ZNF804B: variants seen among roughly 807,000 people sequenced by gnomAD.
ZNF804B encodes the protein zinc finger 804B.
ZNF804B carries 80 observed loss-of-function variants against 101.4 expected under a neutral mutation model. The ratio of observed to expected loss-of-function variants is 0.79; its 90% CI spans 0.66 to 0.95. The LOEUF (loss-of-function observed/expected upper bound fraction) is 0.95, where lower values mean the gene tolerates loss of function less well. Ranked by LOEUF, ZNF804B falls within the 40% of genes least tolerant of loss-of-function variation. The pLI, the probability that ZNF804B is intolerant of heterozygous loss-of-function variation, is 0.00. For missense variants in ZNF804B, 1,673 were observed against 1,561.9 expected (o/e 1.07, Z -1.20); for synonymous variants, 622 against 558.8 (o/e 1.11, Z -1.59).
intron 1 of ZNF804B, among the ~76,000 whole-genome samples, chr7:88,865,440 G>A (rs1486540831): frequency 2.6e-5 from 4 of 152,072 alleles, no homozygotes; most frequent in Non-Finnish European, 5.9e-5. Flanking sequence ...GCTGAGGTGG[G>A]AGAAATGCTT....
At position 88,767,149 on chromosome 7, in the gene ZNF804B, G is replaced by T. The variant is rs1455794687; in HGVS notation, c.108+7065G>T. ...GTTGGCATATACTTCTAACTCCAGA[G>T]ATACTAGCCCTCGCAAATGGTAAGA... On this transcript the variant is annotated intron_variant, in intron 1 of 3. Coordinates refer to ENST00000333190, the MANE Select transcript of ZNF804B (RefSeq NM_181646.5). Among the ~76,000 whole-genome samples, 3 of 152,078 alleles carry T rather than the reference G, an allele frequency of 2.0e-5. No individual in the cohort carries two copies. In the East Asian group the frequency reaches 5.8e-4, roughly 29 times the overall value.
At chr7:88,875,616 G>A (rs1488493931) in intron 1 of ZNF804B, among the ~76,000 whole-genome samples, 3 of 151,946 alleles carry the variant, frequency 2.0e-5, no homozygotes, top group Non-Finnish European at 4.4e-5. Context: ...CCAGGAAGAA[G>A]TTGAATCTCT....
chr7:88,926,940 GAGC>G (rs765837409), intron 1 of ZNF804B, among the ~76,000 whole-genome samples: 23 of 138,632 alleles, frequency 1.7e-4, no homozygotes, highest in African/African-American at 6.0e-4. Context: ...GGGTGGTGGG[GAGC>G]GGGGGGAAAG....
intron 1 of ZNF804B, among the ~76,000 whole-genome samples, chr7:89,006,059 A>T (rs1030422467): frequency 2.3e-4 from 35 of 152,136 alleles, no homozygotes; most frequent in African/African-American, 8.2e-4. Context: ...TTTTGAAAAC[A>T]ATTTTTATGG....
chr7:89,086,395 A>G (rs1174360763), intron 1 of ZNF804B, among the ~76,000 whole-genome samples: 1 of 151,990 alleles, frequency 6.6e-6, no homozygotes, highest in Non-Finnish European at 1.5e-5. Flanking sequence ...ATACAAATGC[A>G]TATCTTTAAT....
At chr7:88,864,725 G>A (rs1791700231) in intron 1 of ZNF804B, among the ~76,000 whole-genome samples, 1 of 152,112 alleles carries the variant, frequency 6.6e-6, no homozygotes, top group South Asian at 2.1e-4. Context: ...GAAAGCAATG[G>A]GAAGAACTGG....
chr7:88,869,917 C>T (rs904160838), intron 1 of ZNF804B, among the ~76,000 whole-genome samples: 10 of 152,164 alleles, frequency 6.6e-5, no homozygotes, highest in African/African-American at 2.4e-4. Flanking sequence ...CAGAGGTCAG[C>T]TGCAGATAAA....
intron 2 of ZNF804B, among the ~76,000 whole-genome samples, chr7:89,299,141 A>G (rs1790437922): frequency 6.6e-6 from 1 of 152,026 alleles, no homozygotes; most frequent in Non-Finnish European, 1.5e-5. Flanking sequence ...ATAGATTGCT[A>G]GCATTTTAAA....
At chr7:89,066,977 A>T (rs991466945) in intron 1 of ZNF804B, among the ~76,000 whole-genome samples, 3 of 151,960 alleles carry the variant, frequency 2.0e-5, no homozygotes, top group Non-Finnish European at 2.9e-5. Flanking sequence ...TGGTTATTTT[A>T]TCATCCTACA....
At chr7:89,297,852 G>A (rs1459151738) in intron 2 of ZNF804B, among the ~76,000 whole-genome samples, 1 of 151,194 alleles carries the variant, frequency 6.6e-6, no homozygotes, top group Non-Finnish European at 1.5e-5. Flanking sequence ...CAATTCCAAA[G>A]TTGGGAAATT....
chr7:89,196,740 A>C (rs1027537852), intron 1 of ZNF804B, among the ~76,000 whole-genome samples: 2 of 152,176 alleles, frequency 1.3e-5, no homozygotes, highest in Non-Finnish European at 2.9e-5. Context: ...AAAAAGGGTA[A>C]TATCCAGCAT....
chr7:89,182,056 T>C (rs1228630193), intron 1 of ZNF804B, among the ~76,000 whole-genome samples: 2 of 152,196 alleles, frequency 1.3e-5, no homozygotes, highest in African/African-American at 4.8e-5. Flanking sequence ...CAAATTAACA[T>C]TGAGCAGATG....
intron 1 of ZNF804B, among the ~76,000 whole-genome samples, chr7:88,988,247 A>C (rs1403974594): frequency 6.6e-6 from 1 of 152,006 alleles, no homozygotes; most frequent in African/African-American, 2.4e-5. Flanking sequence ...TATATCATGA[A>C]AGTGTGGATT....
At chr7:88,951,482 A>G (rs976503022) in intron 1 of ZNF804B, among the ~76,000 whole-genome samples, 2 of 151,748 alleles carry the variant, frequency 1.3e-5, no homozygotes, top group African/African-American at 2.4e-5. Context: ...GCACGCACAT[A>G]TATAATGTCT....
chr7:88,869,659 G>C (rs1471051200), intron 1 of ZNF804B, among the ~76,000 whole-genome samples: 1 of 152,144 alleles, frequency 6.6e-6, no homozygotes, highest in Non-Finnish European at 1.5e-5. Context: ...GGCAATGTTA[G>C]GTTTCAGCCT....
At chr7:89,050,983 C>CT (rs34221110) in intron 1 of ZNF804B, among the ~76,000 whole-genome samples, 45,904 of 151,404 alleles carry the variant, frequency 0.3, 7,242 homozygotes, top group East Asian at 0.52. Flanking sequence ...GAGTTTGTTT[C>CT]TTTTTTTTAA....
intron 1 of ZNF804B, among the ~76,000 whole-genome samples, chr7:88,813,351 G>T (rs1790821374): frequency 6.6e-6 from 1 of 151,328 alleles, no homozygotes; most frequent in African/African-American, 2.4e-5. Context: ...GGCGAACCTG[G>T]GAGGCGGAGC....
intron 1 of ZNF804B, among the ~76,000 whole-genome samples, chr7:88,883,742 T>C (rs1193521382): frequency 1.3e-5 from 2 of 152,210 alleles, no homozygotes; most frequent in African/African-American, 4.8e-5. Flanking sequence ...TTAAAAATCA[T>C]GAGGCAATTC....
chr7:89,025,174 A>G (rs979214561), intron 1 of ZNF804B, among the ~76,000 whole-genome samples: 1 of 152,142 alleles, frequency 6.6e-6, no homozygotes, highest in South Asian at 2.1e-4. Context: ...GAGTTAGCAG[A>G]ACTCAGAGTC....
Sources: allele counts gnomAD v4.1 joint callset (sites outside exome capture counted in the v4.1 genomes callset), GRCh38; gene constraint gnomAD v4.1.1; transcripts MANE v1.5; gene names NCBI Gene and HGNC (gene_info 2026-07-23, HGNC 2026-07-21).